Variants in NDUFC1 observed in about 807,000 individuals in gnomAD.
NDUFC1 encodes the protein NADH:ubiquinone oxidoreductase subunit C1.
NDUFC1 carries 11 observed loss-of-function variants against 11.6 expected under a neutral mutation model. The observed-to-expected ratio is 0.95, with a 90% CI of 0.60 to 1.58. NDUFC1 has a LOEUF of 1.58. Ranked by LOEUF, NDUFC1 falls within the 40% of genes most tolerant of loss-of-function variation. The pLI is 0.00. For missense variants in NDUFC1, 112 were observed against 93.0 expected, an observed-to-expected ratio of 1.20 and a Z score of -0.84; for synonymous variants, 52 against 42.2, an observed-to-expected ratio of 1.23 and a Z score of -0.90.
chr4:139,301,948 A>G, intron 1 of NDUFC1: 1 of 1,120,506 alleles, frequency 8.9e-7, no homozygotes. Context: ...CCGCCTTCAT[A>G]GCTCTCGTCA....
chr4:139,302,039 T>G, intron 1 of NDUFC1: 1 of 451,212 alleles, frequency 2.2e-6, no homozygotes, highest in Non-Finnish European at 3.9e-6. Flanking sequence ...CTTCATTCCA[T>G]CCCCACGCTT....
chr4:139,301,646 A>G, intron 1 of NDUFC1: 6 of 1,043,690 alleles, frequency 5.7e-6, no homozygotes, highest in Non-Finnish European at 8.3e-6. Flanking sequence ...ACGCGGCGAC[A>G]CCCGAGGCCT....
chr4:139,296,097 G>A, intron 2 of NDUFC1, 137 bp from the exon 3 acceptor site: 1 of 440,212 alleles, frequency 2.3e-6, no homozygotes, highest in Non-Finnish European at 4.0e-6. Context: ...TGAGCCAGAA[G>A]AAAGAAAAGT....
At chr4:139,299,085 T>G (rs1439155458) in intron 1 of NDUFC1, among the ~76,000 whole-genome samples, 1 of 152,060 alleles carries the variant, frequency 6.6e-6, no homozygotes, top group African/African-American at 2.4e-5. Flanking sequence ...TTGTCTTGCC[T>G]CAGCCTCCTG....
chr4:139,295,841 C>T lies in NDUFC1; in HGVS notation c.-43G>A. On this transcript the variant is annotated 5_prime_UTR_variant, in exon 3 of 6. Transcript: ENST00000394223. The stretch of plus-strand genomic sequence containing the variant: ...AGTCTCTCCGAGTTGGCAACAGAAC[C>T]AGCGCCACCTGGCGGCCGGAAGTGC... 1 of 1,534,576 alleles carries T rather than the reference C, an allele frequency of 6.5e-7. No homozygotes were observed. The highest frequency in any genetic ancestry group is 8.8e-7 in the Non-Finnish European group (1 of 1,139,942).
chr4:139,290,895 G>C (rs1000621992), intron 5 of NDUFC1, among the ~76,000 whole-genome samples: 13 of 151,834 alleles, frequency 8.6e-5, no homozygotes, highest in African/African-American at 3.1e-4. Flanking sequence ...CCCAGCCTCT[G>C]CCTCTTGGGT....
At chr4:139,291,602 T>C (rs1340205488) in intron 5 of NDUFC1, among the ~76,000 whole-genome samples, 1 of 152,102 alleles carries the variant, frequency 6.6e-6, no homozygotes, top group Non-Finnish European at 1.5e-5. Context: ...ATTGCCGTTA[T>C]ACATTCATCA....
intron 1 of NDUFC1, among the ~76,000 whole-genome samples, chr4:139,299,130 C>G (rs1402257293): frequency 1.3e-5 from 2 of 151,902 alleles, no homozygotes; most frequent in Non-Finnish European, 2.9e-5. Flanking sequence ...CCACCACACC[C>G]GGCTAATTTT....
intron 3 of NDUFC1, 41 bp from the exon 4 acceptor site, chr4:139,295,187 C>T (rs1202357143): frequency 6.6e-7 from 1 of 1,506,848 alleles, no homozygotes; most frequent in African/African-American, 1.4e-5. Flanking sequence ...AACTTACTGC[C>T]TTGTAGGGAA....
At chr4:139,292,729 A>G (rs1396194750) in intron 4 of NDUFC1, 120 bp from the exon 5 acceptor site, 13 of 538,054 alleles carry the variant, frequency 2.4e-5, no homozygotes, top group Non-Finnish European at 3.8e-5. Flanking sequence ...AGGCTAAGAG[A>G]TCCAAAAGTT....
At position 139,295,162 on chromosome 4, in the gene NDUFC1, GGTCTGT is replaced by G. The variant is rs1745406827; in HGVS notation, c.68-22_68-17del. On this transcript the variant is annotated splice_polypyrimidine_tract_variant and intron_variant, in intron 3 of 5. Coordinates refer to ENST00000394223, the MANE Select transcript of NDUFC1 (RefSeq NM_001184989.2). ...CGCACTGAAGCTGAAAGGGGAAGAGGGTCTGTAAATTTGTAACTTACTGCCTTGTAG... is the reference window on the plus strand; with the variant it reads ...CGCACTGAAGCTGAAAGGGGAAGAGGAAATTTGTAACTTACTGCCTTGTAG... 1 of 1,607,794 alleles carries G rather than the reference GGTCTGT, an allele frequency of 6.2e-7. No individual in the cohort carries two copies. Among genetic ancestry groups the G allele is most frequent in the Admixed American group, 1.7e-5 (1 of 59,976 alleles).
chr4:139,294,751 A>AG (rs1198975864), intron 4 of NDUFC1, among the ~76,000 whole-genome samples: 1 of 150,934 alleles, frequency 6.6e-6, no homozygotes, highest in Non-Finnish European at 1.5e-5. Flanking sequence ...AAAAAAAAAA[A>AG]GTATAATTAC....
chr4:139,295,044 T>A lies in NDUFC1; in HGVS notation c.170A>T (p.Tyr57Phe), dbSNP rs1164436969. Residue 57 changes from tyrosine (Y) to phenylalanine (F), a missense_variant and splice_region_variant, in exon 4 of 6, where the codon TAT becomes TTT. Transcript: ENST00000394223. ...TLGTTVFLWI[Y>F]LIKQHNEDIL... ...GACATCCGGGAGTAAAGTACTTACA[T>A]AGATCCACAAGAAGACAGTGGTGCC... The A allele has an allele frequency of 1.2e-6, 2 of 1,613,168 alleles. No individual in the cohort carries two copies. Among genetic ancestry groups the A allele is most frequent in the East Asian group, 4.5e-5 (2 of 44,878 alleles).
At chr4:139,297,942 T>G (rs1745534805) in intron 1 of NDUFC1, among the ~76,000 whole-genome samples, 1 of 152,208 alleles carries the variant, frequency 6.6e-6, no homozygotes, top group Admixed American at 6.5e-5. Context: ...TGGTGGTGCA[T>G]GTCTGTGGTT....
intron 4 of NDUFC1, among the ~76,000 whole-genome samples, chr4:139,294,734 C>CAA (rs34462002): frequency 9.8e-5 from 9 of 91,678 alleles, no homozygotes; most frequent in African/African-American, 1.3e-4. Context: ...GACTCCATCT[C>CAA]AAAAAAAAAA....
intron 2 of NDUFC1, 64 bp downstream of exon 2, chr4:139,297,321 C>A (rs1745513080): frequency 6.6e-6 from 1 of 152,102 alleles, no homozygotes; most frequent in Admixed American, 6.6e-5. Context: ...GAGCTTTGGC[C>A]CTTGTATCCT....
At chr4:139,302,012 C>G (rs541947904) in intron 1 of NDUFC1, 12 of 572,520 alleles carry the variant, frequency 2.1e-5, no homozygotes, top group Non-Finnish European at 3.5e-5. Context: ...GGCCCGCGCG[C>G]CAGGGACCAC....
intron 4 of NDUFC1, among the ~76,000 whole-genome samples, chr4:139,294,277 G>C (rs1745360461): frequency 6.6e-6 from 1 of 151,930 alleles, no homozygotes; most frequent in Non-Finnish European, 1.5e-5. Context: ...TACACACTAT[G>C]TACAATTTCC....
chr4:139,301,437 G>A (rs1370589660), intron 1 of NDUFC1: 3 of 437,126 alleles, frequency 6.9e-6, no homozygotes, highest in Non-Finnish European at 1.2e-5. Context: ...GGTGGGGAAA[G>A]GAGGTCACCG....
Sources: allele counts gnomAD v4.1 joint callset (sites outside exome capture counted in the v4.1 genomes callset), GRCh38; gene constraint gnomAD v4.1.1; transcripts MANE v1.5; gene names NCBI Gene and HGNC (gene_info 2026-07-23, HGNC 2026-07-21).